The following MACROD2 variants were observed in gnomAD, a reference collection of about 807,000 sequenced individuals.
The protein encoded by MACROD2 is ADP-ribose glycohydrolase MACROD2.
In MACROD2, 36 loss-of-function variants were observed where a neutral mutation model predicts 70.4. The ratio of observed to expected loss-of-function variants is 0.51; its 90% confidence interval spans 0.39 to 0.68. The LOEUF (loss-of-function observed/expected upper bound fraction) is 0.68, where lower values mean the gene tolerates loss of function less well. Ranked by LOEUF, MACROD2 falls within the 30% of genes least tolerant of loss-of-function variation. The probability of loss-of-function intolerance (pLI) is 0.00; values close to 1 mark genes in which losing one functional copy is unlikely to be tolerated. For missense variants in MACROD2, 496 were observed against 538.4 expected, an observed-to-expected ratio of 0.92 and a Z score of 0.78; for synonymous variants, 172 against 178.8, an observed-to-expected ratio of 0.96 and a Z score of 0.30.
intron 5 of MACROD2, among the ~76,000 whole-genome samples, chr20:14,972,992 G>T (rs570461039): frequency 6.6e-6 from 1 of 152,126 alleles, no homozygotes; most frequent in Admixed American, 6.5e-5. Context: ...TACACTATTT[G>T]CAGTTAGGAA....
intron 4 of MACROD2, among the ~76,000 whole-genome samples, chr20:14,512,729 C>T (rs1168788768): frequency 2.0e-5 from 3 of 151,968 alleles, no homozygotes; most frequent in Admixed American, 6.6e-5. Context: ...TTTTTTTGTC[C>T]TCTCGTGCCT....
At chr20:15,447,434 G>T (rs1021439175) in intron 7 of MACROD2, among the ~76,000 whole-genome samples, 6 of 152,134 alleles carry the variant, frequency 3.9e-5, no homozygotes, top group African/African-American at 1.4e-4. Flanking sequence ...CTCAAGTGAG[G>T]CAGTGCCCAT....
chr20:15,462,708 C>T (rs765724032), intron 7 of MACROD2, among the ~76,000 whole-genome samples: 2 of 152,168 alleles, frequency 1.3e-5, no homozygotes, highest in Non-Finnish European at 2.9e-5. Flanking sequence ...AAAAGGAGAA[C>T]AGTATTTACT....
At chr20:14,108,707 G>A (rs2054405508) in intron 3 of MACROD2, among the ~76,000 whole-genome samples, 1 of 152,022 alleles carries the variant, frequency 6.6e-6, no homozygotes. Context: ...TCAGCAAGAG[G>A]AGATAAGAAT....
chr20:14,655,765 G>A (rs535772280), intron 4 of MACROD2, among the ~76,000 whole-genome samples: 67 of 152,260 alleles, frequency 4.4e-4, no homozygotes, highest in African/African-American at 1.5e-3. Flanking sequence ...TTAACTTCCT[G>A]TGATTCATCA....
intron 8 of MACROD2, among the ~76,000 whole-genome samples, chr20:15,620,177 C>A (rs994772409): frequency 6.6e-6 from 1 of 152,222 alleles, no homozygotes; most frequent in East Asian, 1.9e-4. Context: ...TTGGATATGG[C>A]CCAGTTTCCA....
intron 3 of MACROD2, among the ~76,000 whole-genome samples, chr20:14,471,519 C>T (rs893155091): frequency 5.3e-5 from 8 of 152,146 alleles, no homozygotes; most frequent in Non-Finnish European, 1.0e-4. Context: ...GCATTATTAA[C>T]ATTTAGAATG....
At chr20:15,212,499 A>G (rs1370513554) in intron 5 of MACROD2, among the ~76,000 whole-genome samples, 2 of 152,166 alleles carry the variant, frequency 1.3e-5, no homozygotes, top group Admixed American at 6.5e-5. Flanking sequence ...ACTTTTGGAC[A>G]AGTTTTGCTT....
chr20:14,668,619 T>C (rs548365930), intron 4 of MACROD2, among the ~76,000 whole-genome samples: 179 of 152,280 alleles, frequency 1.2e-3, no homozygotes, highest in African/African-American at 4.2e-3. Context: ...GAAAATCATA[T>C]CTCAACCTAT....
At chr20:14,189,171 T>G (rs2081366266) in intron 3 of MACROD2, among the ~76,000 whole-genome samples, 1 of 152,178 alleles carries the variant, frequency 6.6e-6, no homozygotes. Context: ...TATACAAGAT[T>G]GCTTATGGTT....
At chr20:15,986,290 T>A (rs1465790884) in intron 13 of MACROD2, among the ~76,000 whole-genome samples, 1 of 152,186 alleles carries the variant, frequency 6.6e-6, no homozygotes, top group Non-Finnish European at 1.5e-5. Flanking sequence ...ATTACTCAAG[T>A]TTTTTATGCT....
chr20:15,117,962 T>C (rs916671675), intron 5 of MACROD2, among the ~76,000 whole-genome samples: 5 of 152,086 alleles, frequency 3.3e-5, no homozygotes, highest in Admixed American at 2.0e-4. Context: ...GTTTGTTTTT[T>C]CCCCACTCCA....
At chr20:15,800,646 C>T (rs28565034) in intron 8 of MACROD2, among the ~76,000 whole-genome samples, 11,257 of 151,878 alleles carry the variant, frequency 0.074, 959 homozygotes, top group East Asian at 0.3. Flanking sequence ...TACTGGGAAG[C>T]GAGGAGCCCC....
At chr20:14,511,207 G>A (rs886844064) in intron 4 of MACROD2, among the ~76,000 whole-genome samples, 1 of 151,918 alleles carries the variant, frequency 6.6e-6, no homozygotes, top group African/African-American at 2.4e-5. Context: ...TGAAGATTAG[G>A]GTTATTTTTT....
At position 14,532,279 on chromosome 20, in the gene MACROD2, C is replaced by T. The variant is rs13044041; in HGVS notation, c.301+38771C>T. ...TGTCACCCAGGCTGGAGTGCAATGG[C>T]GCAATCTCGGCTCACTGCAACCTCC... On this transcript the variant is annotated intron_variant, in intron 4 of 17. Coordinates refer to ENST00000684519, the MANE Select transcript of MACROD2 (RefSeq NM_001351661.2). Among the ~76,000 whole-genome samples the T allele has an allele frequency of 8.5e-3, 1,247 of 145,934 alleles. 7 individuals are homozygous for T. The highest frequency in any genetic ancestry group is 0.012 in the Non-Finnish European group (802 of 67,254).
chr20:15,727,191 T>G (rs2050876640), intron 8 of MACROD2, among the ~76,000 whole-genome samples: 1 of 152,136 alleles, frequency 6.6e-6, no homozygotes, highest in Non-Finnish European at 1.5e-5. Flanking sequence ...CATAATTTGT[T>G]GAATAAGGAG....
intron 5 of MACROD2, among the ~76,000 whole-genome samples, chr20:15,157,103 A>G (rs964887585): frequency 2.6e-5 from 4 of 152,196 alleles, no homozygotes; most frequent in Admixed American, 2.0e-4. Context: ...CTCTAATAAA[A>G]TGCCACAGAC....
chr20:14,682,888 AT>A (rs1372358781), intron 4 of MACROD2, among the ~76,000 whole-genome samples: 1 of 151,774 alleles, frequency 6.6e-6, no homozygotes, highest in Non-Finnish European at 1.5e-5. Context: ...TTATTTATTT[AT>A]TTTTTTTGAG....
intron 4 of MACROD2, among the ~76,000 whole-genome samples, chr20:14,538,147 A>G (rs1227032962): frequency 1.3e-5 from 2 of 152,216 alleles, no homozygotes; most frequent in African/African-American, 4.8e-5. Context: ...ATGAAAAGAA[A>G]CTGAGGTAGA....
Sources: allele counts gnomAD v4.1 joint callset (sites outside exome capture counted in the v4.1 genomes callset), GRCh38; gene constraint gnomAD v4.1.1; transcripts MANE v1.5; gene names NCBI Gene and HGNC (gene_info 2026-07-23, HGNC 2026-07-21).